The following RBPJ variants were observed in gnomAD, a reference collection of about 807,000 sequenced individuals.
The protein encoded by RBPJ is recombination signal binding protein for immunoglobulin kappa J region, also known as recombining binding protein suppressor of hairless.
A neutral mutation model predicts 67.8 loss-of-function variants in RBPJ; 9 were observed. The observed-to-expected ratio is 0.13, with a 90% CI of 0.08 to 0.23. The LOEUF (loss-of-function observed/expected upper bound fraction) is 0.23. Ranked by LOEUF, RBPJ falls within the 10% of genes least tolerant of loss-of-function variation. The probability of loss-of-function intolerance (pLI) is 1.00; values close to 1 mark genes in which losing one functional copy is unlikely to be tolerated. For synonymous variants in RBPJ, 198 were observed against 203.3 expected, an observed-to-expected ratio of 0.97 and a Z score of 0.22; for missense variants, 305 against 595.6, an observed-to-expected ratio of 0.51 and a Z score of 5.08.
rs10019494 is a variant in RBPJ at position 26,309,761 on chromosome 4, G to A, written c.-166-52685G>A. On this transcript the variant is annotated intron_variant, in intron 1 of 4. Coordinates refer to the RBPJ transcript ENST00000512351. The stretch of plus-strand genomic sequence containing the variant: ...ATTTAAGTATATTCCCTTATAAATA[G>A]ATAACTGGAATTTTATTATTCATAT... Among the ~76,000 whole-genome samples, 1,125 of 152,276 alleles carry A rather than the reference G, an allele frequency of 7.4e-3. 12 individuals carry two copies. The highest frequency in any genetic ancestry group is 0.025 in the African/African-American group (1,056 of 41,560).
intron 2 of RBPJ, among the ~76,000 whole-genome samples, chr4:26,392,589 C>CATAGAA (rs1731623919): frequency 1.3e-5 from 2 of 152,146 alleles, no homozygotes; most frequent in Non-Finnish European, 2.9e-5. Flanking sequence ...AATGATTCCA[C>CATAGAA]TTACATAGAA....
intron 1 of RBPJ, among the ~76,000 whole-genome samples, chr4:26,257,983 A>G (rs928285938): frequency 1.3e-5 from 2 of 152,246 alleles, no homozygotes; most frequent in Non-Finnish European, 2.9e-5. Flanking sequence ...GTATGAGAAC[A>G]TAATCTGTAA....
the RBPJ span, among the ~76,000 whole-genome samples, chr4:26,135,632 C>T: frequency 6.6e-6 from 1 of 152,140 alleles, no homozygotes; most frequent in African/African-American, 2.4e-5. Flanking sequence ...CAATAAACTT[C>T]CCTCTGTCCT....
At chr4:26,409,632 T>C (rs1253551268) in intron 3 of RBPJ, among the ~76,000 whole-genome samples, 1 of 152,182 alleles carries the variant, frequency 6.6e-6, no homozygotes, top group African/African-American at 2.4e-5. Flanking sequence ...CCCAAGTAGC[T>C]GGGATTACAG....
chr4:26,315,180 ATATATATATATATG>A (rs1200581639), upstream of RBPJ, among the ~76,000 whole-genome samples: 13 of 119,918 alleles, frequency 1.1e-4, 1 homozygote, highest in African/African-American at 3.6e-4. Flanking sequence ...ATATATATAT[ATATATATATATATG>A]TATGTATATA....
the RBPJ span, among the ~76,000 whole-genome samples, chr4:26,107,620 A>G: frequency 6.6e-6 from 1 of 152,214 alleles, no homozygotes; most frequent in Non-Finnish European, 1.5e-5. Flanking sequence ...CTTTGGGTCC[A>G]GGTGTGGGGG....
At chr4:26,112,956 G>C in the RBPJ span, 1 of 153,290 alleles carries the variant, frequency 6.5e-6, no homozygotes, top group Non-Finnish European at 1.5e-5. Flanking sequence ...GTTTTGCCTT[G>C]TTGGCCAGGC....
intron 3 of RBPJ, among the ~76,000 whole-genome samples, chr4:26,414,327 G>A (rs769899191): frequency 2.6e-5 from 4 of 151,888 alleles, no homozygotes; most frequent in African/African-American, 7.3e-5. Context: ...CTGCCACCAC[G>A]CCCACTAATT....
At chr4:26,354,580 G>A (rs937650876) in intron 1 of RBPJ, among the ~76,000 whole-genome samples, 2 of 151,358 alleles carry the variant, frequency 1.3e-5, no homozygotes, top group Non-Finnish European at 2.9e-5. Flanking sequence ...CTCCCAGGTA[G>A]CTGGGACTAC....
chr4:26,398,759 G>A (rs1029615307), intron 2 of RBPJ, among the ~76,000 whole-genome samples: 12 of 152,010 alleles, frequency 7.9e-5, no homozygotes, highest in Non-Finnish European at 1.0e-4. Context: ...GACTACAGGC[G>A]TCTGCCACCA....
chr4:26,424,714 T>C lies in RBPJ; in HGVS notation c.718T>C (p.Ser240Pro). 3 of 1,612,368 alleles carry C rather than the reference T, an allele frequency of 1.9e-6. No individual in the cohort carries two copies. Among genetic ancestry groups the C allele is most frequent in the Non-Finnish European group, 2.5e-6 (3 of 1,178,712 alleles). ...HYGQTVKLVCSVTGMALPRLI... is the reference protein window; with the variant it reads ...HYGQTVKLVCPVTGMALPRLI... ...TGGACAAACAGTCAAACTTGTGTGC[T>C]CAGTTACTGGCATGGCACTCCCAAG... Residue 240 changes from serine to proline, a missense_variant, in exon 7 of 11, where the codon TCA (serine) becomes CCA (proline). Physicochemically the swap from Ser to Pro is moderately conservative, Grantham distance 74 (BLOSUM62 -1). This residue lies in a region of RBPJ where 66 missense variants were observed against 226.0 expected (regional missense o/e 0.29). Transcript: ENST00000355476. The surrounding 1 kb of genome is among the most constrained non-coding windows in gnomAD (Gnocchi z 5.3).
upstream of RBPJ, among the ~76,000 whole-genome samples, chr4:26,315,167 A>AAATATATAT (rs1325689348): frequency 1.9e-4 from 14 of 74,750 alleles, no homozygotes; most frequent in Non-Finnish European, 3.2e-4. Flanking sequence ...AAAAAAAAAA[A>AAATATATAT]ATATATATAT....
intron 1 of RBPJ, among the ~76,000 whole-genome samples, chr4:26,171,732 C>A (rs1367358874): frequency 6.6e-6 from 1 of 152,174 alleles, no homozygotes; most frequent in Non-Finnish European, 1.5e-5. Flanking sequence ...ATCCAAGATT[C>A]GTAAAGCTCA....
chr4:26,123,504 A>G, the RBPJ span, among the ~76,000 whole-genome samples: 2 of 152,140 alleles, frequency 1.3e-5, no homozygotes, highest in Non-Finnish European at 2.9e-5. Context: ...CTAAATTTAT[A>G]AAGAATTTTT....
chr4:26,431,078 G>T lies in RBPJ; in HGVS notation c.*71G>T. 1 of 1,331,604 alleles carries T rather than the reference G, an allele frequency of 7.5e-7. No homozygotes were observed. Among genetic ancestry groups the T allele is most frequent in the South Asian group, 1.3e-5 (1 of 76,126 alleles). 82.5% of individuals were successfully genotyped at this position (1,331,604 alleles called of 1,614,324 possible). On this transcript the variant is annotated 3_prime_UTR_variant, in exon 11 of 11. Transcript: ENST00000355476. The stretch of plus-strand genomic sequence containing the variant: ...AAGTTAACAAAAAAGGAGAAAAAAT[G>T]AACAATCGTTTGTGGTTTCTTGGGA...
At chr4:26,173,640 A>G (rs1716687920) in intron 1 of RBPJ, among the ~76,000 whole-genome samples, 1 of 152,164 alleles carries the variant, frequency 6.6e-6, no homozygotes, top group African/African-American at 2.4e-5. Flanking sequence ...AGGCTACAAG[A>G]TGGGTTAAAT....
chr4:26,214,616 A>G (rs1718571723), intron 1 of RBPJ, among the ~76,000 whole-genome samples: 8 of 109,060 alleles, frequency 7.3e-5, no homozygotes, highest in African/African-American at 3.4e-4. Context: ...GAGAGAATGA[A>G]AAAGAAAAAA....
chr4:26,319,885 G>A, upstream of RBPJ: 2 of 1,587,508 alleles, frequency 1.3e-6, no homozygotes, highest in South Asian at 1.1e-5. Context: ...ATGGGGGGCT[G>A]CAGGTAGGAG....
chr4:26,135,650 A>G, the RBPJ span, among the ~76,000 whole-genome samples: 1 of 152,154 alleles, frequency 6.6e-6, no homozygotes, highest in Admixed American at 6.5e-5. Flanking sequence ...CCTGTTTGGC[A>G]GAAACCTAAA....
Sources: allele counts gnomAD v4.1 joint callset (sites outside exome capture counted in the v4.1 genomes callset), GRCh38; gene constraint gnomAD v4.1.1; regional missense constraint gnomAD v4.1.1; non-coding constraint Gnocchi (gnomAD v3.1); transcripts MANE v1.5; gene names NCBI Gene and HGNC (gene_info 2026-07-23, HGNC 2026-07-21).